TDP2: variants seen among roughly 807,000 people sequenced by gnomAD.
TDP2 encodes the protein 5'-Tyr-DNA phosphodiesterase.
In TDP2, 38 loss-of-function variants were observed where a neutral mutation model predicts 42.8. The observed-to-expected ratio is 0.89, with a 90% CI of 0.68 to 1.16. The LOEUF (loss-of-function observed/expected upper bound fraction) is 1.16. Ranked by LOEUF, TDP2 falls within the 50% of genes most tolerant of loss-of-function variation. The pLI is 0.00. For missense variants in TDP2, 439 were observed against 439.3 expected (o/e 1.00, Z 0.01); for synonymous variants, 173 against 150.6 (o/e 1.15, Z -1.09).
At position 24,666,567 on chromosome 6, in the gene TDP2, G is replaced by A. The variant is rs1486568745; in HGVS notation, c.210C>T (p.Ala70=). ...AGATGGTTTCAGGTCGGCGTTCCAA[G>A]GCGCTCTCCTCCACCGGAGGCTCGA... ...SYFEPPVEES[A]LERRPETISE... Residue 70 remains alanine, a synonymous_variant, in exon 2 of 7, where the codon GCC becomes GCT. Coordinates refer to ENST00000378198, the MANE Select transcript of TDP2 (RefSeq NM_016614.3). 3.1e-6 allele frequency: 5 copies of A among 1,614,088 alleles called. No individual in the cohort carries two copies. The highest frequency in any genetic ancestry group is 4.2e-6 in the Non-Finnish European group (5 of 1,180,010).
intron 2 of TDP2, among the ~76,000 whole-genome samples, chr6:24,662,351 G>A (rs1034197870): frequency 6.6e-6 from 1 of 152,118 alleles, no homozygotes; most frequent in East Asian, 1.9e-4. Context: ...TATAAAACCC[G>A]ATCGTACATT....
chr6:24,666,073 A>C, intron 2 of TDP2: 2 of 1,528,432 alleles, frequency 1.3e-6, no homozygotes, highest in Non-Finnish European at 1.8e-6. Flanking sequence ...GCACTGAAAT[A>C]ACAGGAGTAG....
At chr6:24,652,846 T>C (rs1341496765) in intron 6 of TDP2, 137 bp downstream of exon 6, 16 of 910,642 alleles carry the variant, frequency 1.8e-5, no homozygotes, top group South Asian at 1.6e-4. Flanking sequence ...TAAACAAATA[T>C]TCGCTGAATT....
intron 2 of TDP2, among the ~76,000 whole-genome samples, chr6:24,660,865 G>A (rs1778135058): frequency 1.3e-5 from 2 of 152,082 alleles, no homozygotes; most frequent in Admixed American, 6.5e-5. Context: ...CTTCAGATTG[G>A]GCTTATGTTT....
chr6:24,651,555 C>A lies in TDP2; in HGVS notation c.808-486G>T, dbSNP rs546548679. On this transcript the variant is annotated intron_variant, in intron 6 of 6. Coordinates refer to ENST00000378198, the MANE Select transcript of TDP2 (RefSeq NM_016614.3). Reference sequence around the variant, plus strand: ...CTCCAGGATTTAAAAAAATTGTTTGCGGTAAAATATACACAATACAAGATT... The same window carrying A: ...CTCCAGGATTTAAAAAAATTGTTTGAGGTAAAATATACACAATACAAGATT... Among the ~76,000 whole-genome samples, 3 of 151,794 alleles carry A rather than the reference C, an allele frequency of 2.0e-5. No homozygotes were observed. In the South Asian group the frequency reaches 6.3e-4, roughly 32 times the overall value.
intron 2 of TDP2, among the ~76,000 whole-genome samples, chr6:24,660,124 T>C (rs17243269): frequency 0.013 from 2,035 of 152,358 alleles, 14 homozygotes; most frequent in African/African-American, 0.026. Context: ...TTTTCTCCTA[T>C]ACACCATTCA....
Position 24,658,669 on chromosome 6 carries a change from G to A in TDP2, c.317C>T (p.Thr106Ile), listed in dbSNP as rs372058337. The A allele has an allele frequency of 1.2e-5, 19 of 1,613,812 alleles. No individual in the cohort carries two copies. Among genetic ancestry groups the A allele is most frequent in the Non-Finnish European group, 1.5e-5 (18 of 1,179,870 alleles). Residue 106 changes from threonine to isoleucine, a missense_variant, in exon 3 of 7, where the codon ACT becomes ATT. Thr to Ile is a moderately conservative substitution (Grantham distance 89, BLOSUM62 -1). Transcript: ENST00000378198. ...GAACATGCTGCCATTTTCTTGCTGA[G>A]TATCTTCAGATGGGCTGATTTTAGA... ...TTSKISPSED[T>I]QQENGSMFSL...
chr6:24,653,116 G>T lies in TDP2; in HGVS notation c.674C>A (p.Ser225Tyr). ...ATGCCCTCTGGTGCTCTCCAAATGG[G>T]ATGTCATAAGGCAAAGCTCATTTCC... ...VSGNELCLMT[S>Y]HLESTRGHAA... Residue 225 changes from serine to tyrosine, a missense_variant, in exon 6 of 7, where the codon TCC (serine) becomes TAC (tyrosine). Physicochemically the swap from Ser to Tyr is moderately radical, Grantham distance 144 (BLOSUM62 -2). Coordinates refer to ENST00000378198, the MANE Select transcript of TDP2 (RefSeq NM_016614.3). 6.2e-7 allele frequency: 1 copy of T among 1,614,126 alleles called. No homozygotes were observed.
chr6:24,666,760 C>A lies in TDP2; in HGVS notation c.103G>T (p.Val35Phe). 1 of 1,614,262 alleles carries A rather than the reference C, an allele frequency of 6.2e-7. No individual in the cohort carries two copies. Among genetic ancestry groups the A allele is most frequent in the Non-Finnish European group, 8.5e-7 (1 of 1,180,044 alleles). ...GCCACTGCGGCATCGCAGCTTGCGACCGAGGCAAACTCCACACACAGAAGT... is the reference window on the plus strand; with the variant it reads ...GCCACTGCGGCATCGCAGCTTGCGAACGAGGCAAACTCCACACACAGAAGT... ...RRLLCVEFAS[V>F]ASCDAAVAQC... Residue 35 changes from valine to phenylalanine, a missense_variant, in exon 1 of 7, where the codon GTC becomes TTC. Coordinates refer to ENST00000378198, the MANE Select transcript of TDP2 (RefSeq NM_016614.3).
intron 2 of TDP2, among the ~76,000 whole-genome samples, chr6:24,665,816 G>C (rs1198702443): frequency 2.0e-5 from 3 of 152,142 alleles, no homozygotes; most frequent in African/African-American, 4.8e-5. Flanking sequence ...AAGCTTCCTA[G>C]AGATAAATCA....
Position 24,657,856 on chromosome 6 carries a change from T to C in TDP2, c.473A>G (p.Tyr158Cys). 1 of 1,585,760 alleles carries C rather than the reference T, an allele frequency of 6.3e-7. No homozygotes were observed. Among genetic ancestry groups the C allele is most frequent in the Non-Finnish European group, 8.6e-7 (1 of 1,165,762 alleles). Residue 158 changes from tyrosine (Y) to cysteine (C), a missense_variant, in exon 4 of 7, where the codon TAT becomes TGT. Tyr to Cys is a radical substitution (Grantham distance 194, BLOSUM62 -2). Transcript: ENST00000378198. Reference sequence around the variant, plus strand: ...ACTTGATCTCTTCTTTAGGTAGCTATAATATGGGGGAATAACTTCCTGTAG... The same window carrying C: ...ACTTGATCTCTTCTTTAGGTAGCTACAATATGGGGGAATAACTTCCTGTAG... ...IFLQEVIPPY[Y>C]SYLKKRSSNY...
At chr6:24,657,248 A>G (rs897137292) in intron 4 of TDP2, among the ~76,000 whole-genome samples, 1 of 152,200 alleles carries the variant, frequency 6.6e-6, no homozygotes, top group African/African-American at 2.4e-5. Context: ...TGGGTTCTGC[A>G]GAGCACACTG....
Position 24,650,759 on chromosome 6 carries a change from C to G in TDP2, c.*29G>C, listed in dbSNP as rs1038603828. ...AGGTGGAAATTGTATTTGCAACAAT[C>G]AGGGCAAAACCCACACTTGAAAAGC... On this transcript the variant is annotated 3_prime_UTR_variant, in exon 7 of 7. Coordinates refer to ENST00000378198, the MANE Select transcript of TDP2 (RefSeq NM_016614.3). 1.3e-6 allele frequency: 2 copies of G among 1,599,784 alleles called. No homozygotes were observed. Among genetic ancestry groups the G allele is most frequent in the African/African-American group, 1.3e-5 (1 of 74,386 alleles).
At chr6:24,666,382 C>G in intron 2 of TDP2, 144 bp downstream of exon 2, 1 of 1,407,860 alleles carries the variant, frequency 7.1e-7, no homozygotes, top group Non-Finnish European at 9.8e-7. Context: ...AGCAGCAACG[C>G]AAGCCCTGCT....
chr6:24,660,575 G>A (rs1363272882), intron 2 of TDP2, among the ~76,000 whole-genome samples: 1 of 152,210 alleles, frequency 6.6e-6, no homozygotes, highest in Non-Finnish European at 1.5e-5. Flanking sequence ...ATGTGGTTAT[G>A]TGGTGCATAA....
intron 2 of TDP2, among the ~76,000 whole-genome samples, chr6:24,663,641 G>A (rs1268707405): frequency 6.6e-6 from 1 of 152,128 alleles, no homozygotes; most frequent in Non-Finnish European, 1.5e-5. Context: ...AGATCTGGTT[G>A]TTTAAAAGTA....
intron 4 of TDP2, 110 bp from the exon 5 acceptor site, chr6:24,654,640 ACAT>A: frequency 3.1e-6 from 2 of 652,406 alleles, no homozygotes; most frequent in Non-Finnish European, 5.4e-6. Context: ...ACAGATATTT[ACAT>A]GGATCTAAAT....
chr6:24,651,140 A>C, intron 6 of TDP2, 71 bp from the exon 7 acceptor site: 1 of 1,258,084 alleles, frequency 7.9e-7, no homozygotes, highest in Non-Finnish European at 1.1e-6. Flanking sequence ...AAAAAAAAAA[A>C]AGGTGTTTTT....
Position 24,658,015 on chromosome 6 carries a change from C to T in TDP2, c.426-112G>A, listed in dbSNP as rs551593330. 3 of 638,464 alleles carry T rather than the reference C, an allele frequency of 4.7e-6. No homozygotes were observed. The Admixed American group carries it at 1.0e-4, about 22-fold the overall frequency. The allele number at this position is 638,464 out of a possible 1,614,324, so 39.5% of individuals were successfully genotyped here. On this transcript the variant is annotated intron_variant, in intron 3 of 6. Coordinates refer to ENST00000378198, the MANE Select transcript of TDP2 (RefSeq NM_016614.3). ...AAAAACAAAAAACCCTCTAGGGCACCTAATATTGAGTGTTTATGCTGATCT... is the reference window on the plus strand; with the variant it reads ...AAAAACAAAAAACCCTCTAGGGCACTTAATATTGAGTGTTTATGCTGATCT...
Sources: allele counts gnomAD v4.1 joint callset (sites outside exome capture counted in the v4.1 genomes callset), GRCh38; gene constraint gnomAD v4.1.1; transcripts MANE v1.5; gene names NCBI Gene and HGNC (gene_info 2026-07-23, HGNC 2026-07-21).